TRPM8: variants seen among roughly 807,000 people sequenced by gnomAD.
The protein encoded by TRPM8 is transient receptor potential cation channel subfamily M member 8, also known as TRPM8 cationic channel.
A neutral mutation model predicts 133.7 loss-of-function variants in TRPM8; 110 were observed. The observed-to-expected ratio is 0.82, with a 90% CI of 0.70 to 0.96. The LOEUF is 0.96. Ranked by LOEUF, TRPM8 falls within the 40% of genes least tolerant of loss-of-function variation. The pLI is 0.00. For synonymous variants in TRPM8, 535 were observed against 532.3 expected (o/e 1.01, Z -0.07); for missense variants, 1,291 against 1,379.5 (o/e 0.94, Z 1.02).
At chr2:233,920,909 T>G (rs1405883030) in intron 1 of TRPM8, among the ~76,000 whole-genome samples, 1 of 147,934 alleles carries the variant, frequency 6.8e-6, no homozygotes, top group Non-Finnish European at 1.5e-5. Flanking sequence ...CAGGCTGGAG[T>G]GCAATGGTGT....
chr2:233,930,223 G>A (rs1172174711), intron 2 of TRPM8, among the ~76,000 whole-genome samples: 1 of 152,170 alleles, frequency 6.6e-6, no homozygotes, highest in East Asian at 1.9e-4. Flanking sequence ...GGTCCCAGAT[G>A]TGCCTAACTA....
In TRPM8 at chr2:233,947,078, T is replaced by C; in HGVS notation, c.875-10T>C. On this transcript the variant is annotated splice_polypyrimidine_tract_variant and intron_variant, in intron 7 of 25. Coordinates refer to ENST00000324695, the MANE Select transcript of TRPM8 (RefSeq NM_024080.5). ...AGCTCAAAATATGCTTTACTTTTTA[T>C]ATTTTACAGATTCCAACTATGGTGG... is the stretch of plus-strand genomic sequence containing the variant. 2 of 1,613,736 alleles carry C rather than the reference T, an allele frequency of 1.2e-6. No individual in the cohort carries two copies. Among genetic ancestry groups the C allele is most frequent in the Non-Finnish European group, 1.7e-6 (2 of 1,179,706 alleles).
Position 233,973,707 on chromosome 2 carries a change from A to G in TRPM8, c.2355+3281A>G, listed in dbSNP as rs140390759. Among the ~76,000 whole-genome samples, 464 of 152,360 alleles carry G rather than the reference A, an allele frequency of 3.0e-3. 2 individuals are homozygous for G. The highest frequency in any genetic ancestry group is 8.6e-3 in the Admixed American group (131 of 15,308). On this transcript the variant is annotated intron_variant, in intron 17 of 25. Coordinates refer to ENST00000324695, the MANE Select transcript of TRPM8 (RefSeq NM_024080.5). ...AACGAGTCTCTTTCTCTTAGCTGCC[A>G]TCCTACTTCCTAGCTCTGTGTTGTG...
chr2:233,940,710 G>T (rs1357579229), intron 5 of TRPM8, among the ~76,000 whole-genome samples: 1 of 152,228 alleles, frequency 6.6e-6, no homozygotes, highest in Non-Finnish European at 1.5e-5. Flanking sequence ...CATACCCGCT[G>T]TACGTGCATG....
At chr2:233,980,465 T>A (rs1467282474) in intron 18 of TRPM8, among the ~76,000 whole-genome samples, 186 bp downstream of exon 18, 3 of 152,190 alleles carry the variant, frequency 2.0e-5, no homozygotes, top group Non-Finnish European at 2.9e-5. Flanking sequence ...CTCTTCCCCC[T>A]CCCACTGATG....
chr2:233,959,034 C>T (rs553680145), intron 11 of TRPM8, among the ~76,000 whole-genome samples: 75 of 49,258 alleles, frequency 1.5e-3, no homozygotes, highest in African/African-American at 5.1e-3. Context: ...TCTTGGGGGG[C>T]GGGGGCGGGA....
chr2:233,966,872 A>G, intron 15 of TRPM8, 117 bp downstream of exon 15: 1 of 1,323,042 alleles, frequency 7.6e-7, no homozygotes, highest in Non-Finnish European at 1.0e-6. Flanking sequence ...TAAAAGCCAT[A>G]GAAGGAGTGG....
intron 22 of TRPM8, among the ~76,000 whole-genome samples, chr2:234,003,015 C>T (rs200743002): frequency 6.6e-6 from 1 of 152,086 alleles, no homozygotes; most frequent in African/African-American, 2.4e-5. Flanking sequence ...ATTTTGCTAA[C>T]CTAGACATGG....
At chr2:233,952,407 G>A (rs1048698150) in intron 9 of TRPM8, among the ~76,000 whole-genome samples, 6 of 152,056 alleles carry the variant, frequency 3.9e-5, no homozygotes, top group Admixed American at 6.5e-5. Context: ...AAGGCTTCCC[G>A]GAGGAAGTGA....
At chr2:234,004,980 A>G (rs879282647) in intron 22 of TRPM8, among the ~76,000 whole-genome samples, 2 of 152,234 alleles carry the variant, frequency 1.3e-5, no homozygotes, top group Non-Finnish European at 2.9e-5. Context: ...TGGATGCACC[A>G]TAATTAATCA....
intron 12 of TRPM8, among the ~76,000 whole-genome samples, 164 bp from the exon 13 acceptor site, chr2:233,963,118 A>C (rs1163200682): frequency 4.6e-5 from 7 of 152,104 alleles, no homozygotes; most frequent in Non-Finnish European, 1.0e-4. Context: ...TCAAAATTAG[A>C]CCACCCAATG....
At chr2:233,947,594 G>A in intron 8 of TRPM8, 1 of 1,290,496 alleles carries the variant, frequency 7.7e-7, no homozygotes, top group Non-Finnish European at 1.0e-6. Flanking sequence ...TATGTTGCAT[G>A]ATGGAATTCC....
chr2:233,977,571 T>A (rs1691901313), intron 17 of TRPM8, among the ~76,000 whole-genome samples: 1 of 152,164 alleles, frequency 6.6e-6, no homozygotes, highest in Admixed American at 6.5e-5. Context: ...CCAATCCCCC[T>A]TATCTTACCA....
At chr2:233,979,017 C>T (rs1433956993) in intron 17 of TRPM8, among the ~76,000 whole-genome samples, 4 of 152,202 alleles carry the variant, frequency 2.6e-5, no homozygotes, top group South Asian at 2.1e-4. Context: ...GCAACTGACT[C>T]GGGCTCAGAA....
At chr2:234,016,964 T>G (rs1692971144) in intron 25 of TRPM8, among the ~76,000 whole-genome samples, 1 of 152,190 alleles carries the variant, frequency 6.6e-6, no homozygotes, top group African/African-American at 2.4e-5. Context: ...TTTAATTCAG[T>G]TTTTAAAAAT....
At position 233,996,342 on chromosome 2, in the gene TRPM8, G is replaced by A. The variant is rs148556306; in HGVS notation, c.2956G>A (p.Val986Ile). 2.2e-5 allele frequency: 36 copies of A among 1,613,994 alleles called. No homozygotes were observed. The highest frequency in any genetic ancestry group is 1.6e-4 in the Middle Eastern group (1 of 6,078). ...CCTCACCAGCTACACGGTGGGCACCGTCCAGGAGAACAATGACCAGGTCTG... is the reference window on the plus strand; with the variant it reads ...CCTCACCAGCTACACGGTGGGCACCATCCAGGAGAACAATGACCAGGTCTG... ...VAMFGYTVGT[V>I]QENNDQVWKF... The change falls in exon 22 of 26, where the codon GTC (valine) becomes ATC (isoleucine). Residue 986 changes from valine (V) to isoleucine (I), a missense_variant. Around this residue, in one of 2 missense-constraint regions of TRPM8, gnomAD observed 328 missense variants for 410.6 expected, o/e 0.80. Transcript: ENST00000324695.
chr2:233,970,309 C>T lies in TRPM8; in HGVS notation c.2238C>T (p.Ile746=), dbSNP rs150774098. 196 of 1,614,184 alleles carry T rather than the reference C, an allele frequency of 1.2e-4. 1 individual carries two copies. In the African/African-American group the frequency reaches 2.4e-3, roughly 20 times the overall value. ...VVFSWNVVFY[I]AFLLLFAYVL... is the part of the protein sequence containing the mutation. The stretch of plus-strand genomic sequence containing the variant: ...TCTCCTGGAATGTGGTCTTCTACAT[C>T]GCCTTCCTCCTGCTGTTTGCCTACG... The change falls in exon 17 of 26, where the codon ATC becomes ATT. Residue 746 remains isoleucine, a synonymous_variant. Coordinates refer to ENST00000324695, the MANE Select transcript of TRPM8 (RefSeq NM_024080.5).
chr2:233,987,125 A>G (rs911440989), intron 21 of TRPM8, among the ~76,000 whole-genome samples: 2 of 152,214 alleles, frequency 1.3e-5, no homozygotes, highest in African/African-American at 4.8e-5. Context: ...ATGTACAAAG[A>G]TGTTTATTAG....
rs190304256 is a variant in TRPM8 at position 233,939,146 on chromosome 2, G to A, written c.497G>A (p.Ser166Asn). 2.2e-5 allele frequency: 35 copies of A among 1,614,142 alleles called. No individual in the cohort carries two copies. In the East Asian group the frequency reaches 6.9e-4, roughly 32 times the overall value. The part of the protein sequence containing the change: ...ALKPRMRKIF[S>N]RLIYIAQSKG... ...AAGCCGCGCATGCGCAAGATCTTCA[G>A]CCGGCTCATCTACATCGCGCAGTCC... The change falls in exon 5 of 26, where the codon AGC (serine) becomes AAC (asparagine). Residue 166 changes from serine to asparagine, a missense_variant. Physicochemically the swap from Ser to Asn is conservative, Grantham distance 46. This residue lies in a region of TRPM8 where 963 missense variants were observed against 968.9 expected (regional missense o/e 0.99). Coordinates refer to ENST00000324695, the MANE Select transcript of TRPM8 (RefSeq NM_024080.5).
Sources: allele counts gnomAD v4.1 joint callset (sites outside exome capture counted in the v4.1 genomes callset), GRCh38; gene constraint gnomAD v4.1.1; regional missense constraint gnomAD v4.1.1; transcripts MANE v1.5; gene names NCBI Gene and HGNC (gene_info 2026-07-23, HGNC 2026-07-21).